Variants in CLASP1 observed in about 807,000 individuals in gnomAD.
The protein encoded by CLASP1 is cytoplasmic linker associated protein 1.
CLASP1 carries 38 observed loss-of-function variants against 192.3 expected under a neutral mutation model. The ratio of observed to expected loss-of-function variants is 0.20; its 90% confidence interval spans 0.15 to 0.26. The LOEUF (loss-of-function observed/expected upper bound fraction) is 0.26, where lower values mean the gene tolerates loss of function less well. Among genes scored for constraint, CLASP1 ranks in the 10% least tolerant of loss-of-function variants. The probability of loss-of-function intolerance (pLI) is 1.00; values close to 1 mark genes in which losing one functional copy is unlikely to be tolerated. For missense variants in CLASP1, 1,433 were observed against 1,932.5 expected (o/e 0.74, Z 4.85); for synonymous variants, 691 against 712.8 (o/e 0.97, Z 0.49).
chr2:121,421,305 G>C (rs2079460496), intron 22 of CLASP1, among the ~76,000 whole-genome samples: 1 of 152,074 alleles, frequency 6.6e-6, no homozygotes, highest in Admixed American at 6.6e-5. Context: ...ACCTGGGCTG[G>C]AGAGCAATGG....
chr2:121,585,470 C>T lies in CLASP1; in HGVS notation c.195+20231G>A, dbSNP rs72971297. Among the ~76,000 whole-genome samples the T allele has an allele frequency of 1.6e-4, 24 of 152,286 alleles. 2 individuals are homozygous for T. In the South Asian group the frequency reaches 5.0e-3, roughly 32 times the overall value. On this transcript the variant is annotated intron_variant, in intron 2 of 39. Transcript: ENST00000263710. ...GCTCCACAGAGACTAAGTATACTTG[C>T]TCTCCTTTGCCAGCGTTCCCATTTC...
chr2:121,527,939 G>T, intron 4 of CLASP1, 49 bp from the exon 5 acceptor site: 1 of 1,471,276 alleles, frequency 6.8e-7, no homozygotes, highest in Non-Finnish European at 9.5e-7. Context: ...TGCTGCAGCT[G>T]ACACTTTATA....
chr2:121,355,285 CCTAG>C (rs1360529336), intron 37 of CLASP1, among the ~76,000 whole-genome samples: 2 of 152,120 alleles, frequency 1.3e-5, no homozygotes, highest in Non-Finnish European at 2.9e-5. Context: ...CACCACCACG[CCTAG>C]CTAATTTTTT....
chr2:121,565,697 G>A (rs1483846266), intron 2 of CLASP1, among the ~76,000 whole-genome samples: 11 of 152,084 alleles, frequency 7.2e-5, no homozygotes, highest in East Asian at 1.9e-4. Context: ...TCACTAGGCC[G>A]CTCCAATTCT....
At chr2:121,478,895 ACACACCACAC>A (rs1559369113) in intron 8 of CLASP1, among the ~76,000 whole-genome samples, 36 of 61,790 alleles carry the variant, frequency 5.8e-4, no homozygotes, top group Middle Eastern at 0.016. Flanking sequence ...CACCACACAC[ACACACCACAC>A]CACACACACC....
At chr2:121,451,984 GAAC>G (rs1398318731) in intron 14 of CLASP1, 135 bp from the exon 15 acceptor site, 91 of 676,244 alleles carry the variant, frequency 1.3e-4, no homozygotes, top group Non-Finnish European at 1.0e-5. Flanking sequence ...TAGAAAAACA[GAAC>G]ATAAAGAATG....
At chr2:121,341,525 T>C (rs898500154) in intron 39 of CLASP1, among the ~76,000 whole-genome samples, 5 of 152,234 alleles carry the variant, frequency 3.3e-5, no homozygotes. Context: ...GATCCAATTA[T>C]ATGCTGTCTA....
chr2:121,352,523 G>A (rs2149160751), intron 37 of CLASP1, among the ~76,000 whole-genome samples: 1 of 152,342 alleles, frequency 6.6e-6, no homozygotes, highest in East Asian at 1.9e-4. Context: ...GACAAAGGCA[G>A]CCTCCAGAGT....
At chr2:121,467,948 C>T (rs2089972572) in intron 9 of CLASP1, among the ~76,000 whole-genome samples, 1 of 152,196 alleles carries the variant, frequency 6.6e-6, no homozygotes. Context: ...TTTCATCCAT[C>T]TTGAGTTGAT....
At chr2:121,483,081 T>C (rs1325118176) in intron 8 of CLASP1, among the ~76,000 whole-genome samples, 1 of 152,188 alleles carries the variant, frequency 6.6e-6, no homozygotes, top group Non-Finnish European at 1.5e-5. Context: ...AGTAGTCATC[T>C]GTAGGAATCT....
At chr2:121,535,378 T>TA (rs1387315916) in intron 2 of CLASP1, among the ~76,000 whole-genome samples, 1 of 152,200 alleles carries the variant, frequency 6.6e-6, no homozygotes, top group Non-Finnish European at 1.5e-5. Flanking sequence ...TGACAACTTT[T>TA]AAAGTTACAT....
rs554899012 is a variant in CLASP1 at position 121,400,194 on chromosome 2, C to A, written c.2900+1315G>T. On this transcript the variant is annotated intron_variant, in intron 28 of 39. Coordinates refer to ENST00000263710, the Ensembl canonical transcript of CLASP1. ...GCTTTATTGCAAATTTAGTACATTA[C>A]TTTGATTCTTATTTATTTATTTATT... 3.9e-5 allele frequency among the ~76,000 whole-genome samples: 6 copies of A among 152,196 alleles called. No individual in the cohort carries two copies. In the South Asian group the frequency reaches 1.2e-3, roughly 32 times the overall value.
intron 18 of CLASP1, 74 bp downstream of exon 18, chr2:121,448,202 G>A (rs34350940): frequency 0.1 from 138,398 of 1,345,270 alleles, 12,701 homozygotes; most frequent in African/African-American, 0.46. Flanking sequence ...TCCTGTGCCT[G>A]GGCAGCCTCT....
Position 121,448,328 on chromosome 2 carries a change from A to G in CLASP1, c.1692-3T>C, listed in dbSNP as rs1456900364. On this transcript the variant is annotated splice_polypyrimidine_tract_variant and splice_region_variant and intron_variant, in intron 17 of 39. Transcript: ENST00000263710. ...TTCTTTTGGCAGACAGCGGACGACTAAAAGTAAAGATGTATATTATTTATT... is the reference window on the plus strand; with the variant it reads ...TTCTTTTGGCAGACAGCGGACGACTGAAAGTAAAGATGTATATTATTTATT... 2 of 1,604,450 alleles carry G rather than the reference A, an allele frequency of 1.2e-6. No homozygotes were observed. The highest frequency in any genetic ancestry group is 3.3e-5 in the Admixed American group (2 of 60,000).
At chr2:121,382,165 A>T in intron 33 of CLASP1, 43 bp downstream of exon 34, 1 of 1,469,172 alleles carries the variant, frequency 6.8e-7, no homozygotes, top group Non-Finnish European at 9.4e-7. Flanking sequence ...GAAATGCAAT[A>T]ATATTGTGAC....
chr2:121,511,271 G>T (rs2094126975), intron 7 of CLASP1, among the ~76,000 whole-genome samples: 1 of 152,104 alleles, frequency 6.6e-6, no homozygotes, highest in Admixed American at 6.5e-5. Context: ...GAGGAGATTG[G>T]AAGTATATAT....
chr2:121,366,917 GA>G (rs575354617), intron 35 of CLASP1, among the ~76,000 whole-genome samples: 82 of 152,348 alleles, frequency 5.4e-4, no homozygotes, highest in Admixed American at 4.9e-3. Context: ...ACAGGAGCCA[GA>G]AAGAAACCAG....
chr2:121,404,562 G>T, intron 25 of CLASP1, 128 bp from the exon 27 acceptor site: 2 of 832,550 alleles, frequency 2.4e-6, no homozygotes, highest in South Asian at 1.7e-5. Context: ...GATCTCCCAA[G>T]CTCAAGTGAT....
intron 2 of CLASP1, among the ~76,000 whole-genome samples, chr2:121,535,889 T>C (rs778508694): frequency 6.6e-6 from 1 of 152,016 alleles, no homozygotes; most frequent in Non-Finnish European, 1.5e-5. Context: ...CTTGAACTTC[T>C]GGACTCAAGC....
Sources: allele counts gnomAD v4.1 joint callset (sites outside exome capture counted in the v4.1 genomes callset), GRCh38; gene constraint gnomAD v4.1.1; transcripts MANE v1.5; gene names NCBI Gene and HGNC (gene_info 2026-07-23, HGNC 2026-07-21).